CBX7: variants seen among roughly 807,000 people sequenced by gnomAD.
The protein encoded by CBX7 is chromobox protein homolog 7.
A neutral mutation model predicts 31.4 loss-of-function variants in CBX7; 14 were observed. The ratio of observed to expected loss-of-function variants is 0.45; its 90% CI spans 0.29 to 0.70. The LOEUF (loss-of-function observed/expected upper bound fraction) is 0.70, where lower values mean the gene tolerates loss of function less well. Ranked by LOEUF, CBX7 falls within the 30% of genes least tolerant of loss-of-function variation. The pLI is 0.11. For synonymous variants in CBX7, 159 were observed against 152.6 expected (o/e 1.04, Z -0.31); for missense variants, 269 against 351.9 (o/e 0.76, Z 1.89).
intron 2 of CBX7, among the ~76,000 whole-genome samples, chr22:39,144,781 C>A (rs1255827376): frequency 6.6e-6 from 1 of 152,226 alleles, no homozygotes; most frequent in African/African-American, 2.4e-5. Context: ...CTTCAGTTTC[C>A]TCATCTCAAG....
At chr22:39,143,184 G>A (rs996610314) in intron 2 of CBX7, among the ~76,000 whole-genome samples, 1 of 151,784 alleles carries the variant, frequency 6.6e-6, no homozygotes, top group African/African-American at 2.4e-5. Context: ...AACCTGGGAG[G>A]CAGAGGTTGC....
intron 4 of CBX7, chr22:39,136,485 A>C (rs1479235514): frequency 6.6e-6 from 1 of 152,420 alleles, no homozygotes; most frequent in Non-Finnish European, 1.5e-5. Context: ...AGGACACTCA[A>C]GCAACCCTCT....
chr22:39,149,034 C>T (rs900109944), intron 2 of CBX7: 4 of 79,896 alleles, frequency 5.0e-5, no homozygotes, highest in African/African-American at 4.4e-4. Flanking sequence ...ACGACTAGCT[C>T]ATTCCCTCCC....
intron 2 of CBX7, among the ~76,000 whole-genome samples, chr22:39,143,161 G>A (rs993144043): frequency 2.0e-5 from 3 of 152,086 alleles, no homozygotes; most frequent in African/African-American, 7.2e-5. Flanking sequence ...GGCTGAGGTG[G>A]GAGAATCGCT....
In CBX7 at chr22:39,134,130, G is replaced by A; in HGVS notation, c.599-82C>T. ...ACCACCCAACCCGACCCCAACTCCA[G>A]CTCCTCCTCTCTGTGTCTTCAGTCA... On this transcript the variant is annotated intron_variant, in intron 5 of 5. Coordinates refer to ENST00000216133, the MANE Select transcript of CBX7 (RefSeq NM_175709.5). The A allele has an allele frequency of 1.5e-6, 2 of 1,369,174 alleles. 1 individual carries two copies. The highest frequency in any genetic ancestry group is 4.3e-5 in the Admixed American group (2 of 46,812). The allele number at this position is 1,369,174 out of a possible 1,614,324, so 84.8% of individuals were successfully genotyped here.
chr22:39,136,138 G>A (rs1930246516), intron 4 of CBX7: 2 of 151,188 alleles, frequency 1.3e-5, no homozygotes, highest in African/African-American at 4.9e-5. Flanking sequence ...CTACCATTCT[G>A]CAAGGCAGGG....
Position 39,134,707 on chromosome 22 carries a change from T to C in CBX7, c.292A>G (p.Lys98Glu). ...GTCAGGGAGAAGCAGAGCTTCTCCT[T>C]GCCCTTGGCCTTGTGGGAGCTCCGC... ...DLRSSHKAKG[K>E]EKLCFSLTCP... The change falls in exon 5 of 6, where the codon AAG becomes GAG. Residue 98 changes from lysine to glutamate, a missense_variant. Lys to Glu is a moderately conservative substitution (Grantham distance 56). This residue lies in a region of CBX7 where 222 missense variants were observed against 240.4 expected (regional missense o/e 0.92). Transcript: ENST00000216133. 6.3e-7 allele frequency: 1 copy of C among 1,575,736 alleles called. No homozygotes were observed. Among genetic ancestry groups the C allele is most frequent in the Non-Finnish European group, 8.6e-7 (1 of 1,159,286 alleles).
At chr22:39,134,251 A>G in intron 5 of CBX7, 150 bp downstream of exon 5, 4 of 857,372 alleles carry the variant, frequency 4.7e-6, no homozygotes, top group Non-Finnish European at 5.2e-6. Context: ...GGACGACAGG[A>G]GGAGCCCTGG....
intron 5 of CBX7, 37 bp from the exon 6 acceptor site, chr22:39,134,085 C>T (rs1428885638): frequency 1.9e-6 from 3 of 1,559,244 alleles, no homozygotes; most frequent in Non-Finnish European, 8.7e-7. Flanking sequence ...GCAGCGTTGA[C>T]AAGGTGGGAA....
intron 4 of CBX7, chr22:39,135,051 G>C (rs4821868): frequency 2.6e-6 from 1 of 377,406 alleles, no homozygotes. Context: ...CTGAAAACTG[G>C]CCAAGAGAAA....
rs879429428 is a variant in CBX7 at position 39,132,475 on chromosome 22, A to G, written c.*1416T>C. 2.0e-5 allele frequency: 3 copies of G among 152,422 alleles called. No homozygotes were observed. The highest frequency in any genetic ancestry group is 4.4e-5 in the Non-Finnish European group (3 of 68,160). 9.4% of individuals were successfully genotyped at this position (152,422 alleles called of 1,614,324 possible). On this transcript the variant is annotated 3_prime_UTR_variant, in exon 6 of 6. Transcript: ENST00000216133. ...CCCTACAGGACTGGAAGAGAGGGAG[A>G]AGTCACTCCTCACTGGCAGGGAAGC...
intron 5 of CBX7, 67 bp downstream of exon 5, chr22:39,134,334 C>A: frequency 7.5e-7 from 1 of 1,331,458 alleles, no homozygotes; most frequent in Non-Finnish European, 1.0e-6. Flanking sequence ...GACATTGAAC[C>A]AGCTGGACCT....
intron 3 of CBX7, among the ~76,000 whole-genome samples, chr22:39,139,472 G>A (rs1242121422): frequency 2.0e-5 from 3 of 151,990 alleles, no homozygotes; most frequent in African/African-American, 7.3e-5. Context: ...GGAGGCTGAG[G>A]CGGGCAGATT....
At chr22:39,138,913 C>T (rs563576694) in intron 3 of CBX7, among the ~76,000 whole-genome samples, 46 of 152,324 alleles carry the variant, frequency 3.0e-4, no homozygotes, top group African/African-American at 9.6e-4. Context: ...ATCTGACAAA[C>T]GTGGAGGGCA....
chr22:39,146,427 A>AT (rs1287158215), intron 2 of CBX7, among the ~76,000 whole-genome samples: 3 of 152,020 alleles, frequency 2.0e-5, no homozygotes, highest in African/African-American at 7.2e-5. Context: ...TTAGGGCCTC[A>AT]TTTTTATAGG....
intron 2 of CBX7, 181 bp downstream of exon 2, chr22:39,149,608 C>A (rs908865530): frequency 1.6e-6 from 1 of 623,376 alleles, no homozygotes; most frequent in East Asian, 2.7e-5. Flanking sequence ...CCCACCTTGA[C>A]CCTCCTGTGG....
At chr22:39,138,317 GGCTCAA>G in intron 4 of CBX7, among the ~76,000 whole-genome samples, 1 of 152,286 alleles carries the variant, frequency 6.6e-6, no homozygotes, top group Admixed American at 6.5e-5. Flanking sequence ...AGCATCGAAA[GGCTCAA>G]AGCTTTCAGG....
Position 39,133,369 on chromosome 22 carries a change from C to T in CBX7, c.*522G>A, listed in dbSNP as rs1930115771. The T allele has an allele frequency of 6.6e-6, 1 of 152,310 alleles. No individual in the cohort carries two copies. Among genetic ancestry groups the T allele is most frequent in the Non-Finnish European group, 1.5e-5 (1 of 68,204 alleles). The allele number at this position is 152,310 out of a possible 1,614,324, so 9.4% of individuals were successfully genotyped here. ...CCTCTCTGAAGGGGAAGGGACTCGC[C>T]CCAAGTAACCTCAACCCTTCCTCCT... On this transcript the variant is annotated 3_prime_UTR_variant, in exon 6 of 6. Coordinates refer to ENST00000216133, the MANE Select transcript of CBX7 (RefSeq NM_175709.5).
At chr22:39,137,743 G>GC (rs1169132985) in intron 4 of CBX7, among the ~76,000 whole-genome samples, 3 of 152,228 alleles carry the variant, frequency 2.0e-5, no homozygotes, top group African/African-American at 7.2e-5. Context: ...GTCAGGAAAG[G>GC]CCCCCAAGAC....
Sources: allele counts gnomAD v4.1 joint callset (sites outside exome capture counted in the v4.1 genomes callset), GRCh38; gene constraint gnomAD v4.1.1; regional missense constraint gnomAD v4.1.1; transcripts MANE v1.5; gene names NCBI Gene and HGNC (gene_info 2026-07-23, HGNC 2026-07-21).